PDSS2: variants seen among roughly 807,000 people sequenced by gnomAD.
PDSS2 encodes all trans-polyprenyl-diphosphate synthase PDSS2.
Under a neutral mutation model 44.5 loss-of-function variants are expected in PDSS2, and 31 were observed. The observed-to-expected ratio is 0.70, with a 90% CI of 0.52 to 0.94. The LOEUF (loss-of-function observed/expected upper bound fraction) is 0.94, where lower values mean the gene tolerates loss of function less well. PDSS2 is among the 40% of genes least tolerant of loss of function. The probability of loss-of-function intolerance (pLI) is 0.00; values close to 1 mark genes in which losing one functional copy is unlikely to be tolerated. For missense variants in PDSS2, 452 were observed against 482.2 expected (o/e 0.94, Z 0.59); for synonymous variants, 157 against 180.3 (o/e 0.87, Z 1.03).
At chr6:107,256,138 A>G (rs539212428) in intron 3 of PDSS2, among the ~76,000 whole-genome samples, 4 of 152,072 alleles carry the variant, frequency 2.6e-5, no homozygotes, top group Admixed American at 6.6e-5. Flanking sequence ...CTACAGGTGC[A>G]TGCCACCATG....
chr6:107,188,833 C>T (rs1562362338), intron 7 of PDSS2, among the ~76,000 whole-genome samples: 1 of 152,210 alleles, frequency 6.6e-6, no homozygotes, highest in Non-Finnish European at 1.5e-5. Context: ...TCACCAGAAG[C>T]CTAACCAGAA....
chr6:107,339,268 T>TACTCCAC (rs1778003997), intron 1 of PDSS2, among the ~76,000 whole-genome samples: 2 of 152,220 alleles, frequency 1.3e-5, no homozygotes, highest in South Asian at 4.1e-4. Context: ...AATTATCTAA[T>TACTCCAC]ACTCCACAAT....
chr6:107,212,166 A>T lies in PDSS2; in HGVS notation c.819T>A (p.Asp273Glu). ...CQAAMELAKH[D>E]AEVQNMAFQY... ...GAAATGCCATATTCTGAACCTCAGC[A>T]TCATGCTTTGCTAATTCCATTGCAG... The change falls in exon 5 of 8, where the codon GAT becomes GAA. Residue 273 changes from aspartate (D) to glutamate (E), a missense_variant. By Grantham distance (45) the Asp-to-Glu change is conservative. Transcript: ENST00000369037. 3 of 1,614,150 alleles carry T rather than the reference A, an allele frequency of 1.9e-6. No homozygotes were observed. The highest frequency in any genetic ancestry group is 2.5e-6 in the Non-Finnish European group (3 of 1,179,984).
At chr6:107,323,283 C>T (rs1777440689) in intron 2 of PDSS2, among the ~76,000 whole-genome samples, 1 of 152,186 alleles carries the variant, frequency 6.6e-6, no homozygotes. Flanking sequence ...CTTACCTACT[C>T]ATTTGAGGTC....
chr6:107,323,267 T>C (rs1158434501), intron 2 of PDSS2, among the ~76,000 whole-genome samples: 1 of 152,190 alleles, frequency 6.6e-6, no homozygotes, highest in African/African-American at 2.4e-5. Flanking sequence ...ATGCATACAT[T>C]GTTTCCTTAC....
At chr6:107,301,777 C>T (rs1562447226) in intron 2 of PDSS2, among the ~76,000 whole-genome samples, 1 of 151,998 alleles carries the variant, frequency 6.6e-6, no homozygotes, top group Admixed American at 6.6e-5. Flanking sequence ...GCTTGACCAA[C>T]ATGGTGAAAC....
intron 1 of PDSS2, among the ~76,000 whole-genome samples, chr6:107,395,926 T>G (rs1264794343): frequency 6.6e-6 from 1 of 152,206 alleles, no homozygotes; most frequent in Admixed American, 6.5e-5. Context: ...CTGAACCCAT[T>G]TGATCTATGT....
intron 1 of PDSS2, among the ~76,000 whole-genome samples, chr6:107,362,558 T>TCACC (rs1435424049): frequency 6.6e-6 from 1 of 152,100 alleles, no homozygotes; most frequent in African/African-American, 2.4e-5. Flanking sequence ...ACAACCAAGG[T>TCACC]CACCAACAGA....
At chr6:107,269,735 C>T (rs902340329) in intron 3 of PDSS2, among the ~76,000 whole-genome samples, 1 of 152,116 alleles carries the variant, frequency 6.6e-6, no homozygotes, top group African/African-American at 2.4e-5. Context: ...GATCTGGGCT[C>T]ACTGAACTGA....
Position 107,338,269 on chromosome 6 carries a change from C to CT in PDSS2, c.297-3938dup, listed in dbSNP as rs1777968688. ...CAGGTCATATTTCATCTGGAACACT[C>CT]TAATTTTTTCTCAGTGCTTCTCTTA... is the stretch of plus-strand genomic sequence containing the variant. On this transcript the variant is annotated intron_variant, in intron 1 of 7. Transcript: ENST00000369037. Among the ~76,000 whole-genome samples the CT allele has an allele frequency of 2.0e-5, 3 of 152,318 alleles. No individual in the cohort carries two copies. In the South Asian group the frequency reaches 6.2e-4, roughly 32 times the overall value.
intron 1 of PDSS2, among the ~76,000 whole-genome samples, chr6:107,372,987 T>C (rs2114396712): frequency 6.7e-6 from 1 of 149,272 alleles, no homozygotes; most frequent in African/African-American, 2.5e-5. Flanking sequence ...AATAATCTTT[T>C]TTTTTTTTTT....
Position 107,154,779 on chromosome 6 carries a change from T to C in PDSS2, c.1042-2A>G, listed in dbSNP as rs782755643. 5 of 1,614,058 alleles carry C rather than the reference T, an allele frequency of 3.1e-6. No homozygotes were observed. Among genetic ancestry groups the C allele is most frequent in the Non-Finnish European group, 4.2e-6 (5 of 1,179,906 alleles). On this transcript the variant is annotated splice_acceptor_variant, in intron 7 of 7. Coordinates refer to ENST00000369037, the MANE Select transcript of PDSS2 (RefSeq NM_020381.4). LOFTEE classifies it high-confidence loss of function. ...GCCAGCTTTGATTCTTTCTCGCAACTGTTAAGAAACAAATGCATGATAAAA... is the reference window on the plus strand; with the variant it reads ...GCCAGCTTTGATTCTTTCTCGCAACCGTTAAGAAACAAATGCATGATAAAA...
At chr6:107,199,665 T>C (rs1433194736) in intron 6 of PDSS2, among the ~76,000 whole-genome samples, 1 of 152,238 alleles carries the variant, frequency 6.6e-6, no homozygotes, top group Non-Finnish European at 1.5e-5. Flanking sequence ...AAGGAAATTT[T>C]CTCTTGCTCA....
rs368392158 is a variant in PDSS2, at chr6:107,420,139, A to G, written c.296+38851T>C. 4.6e-5 allele frequency among the ~76,000 whole-genome samples: 7 copies of G among 152,384 alleles called. No individual in the cohort carries two copies. In the East Asian group the frequency reaches 9.6e-4, roughly 21 times the overall value. ...GATATTATTTATACTTAAAACTGAT[A>G]GCACTAAAGGAAAATAATTTTAAAT... On this transcript the variant is annotated intron_variant, in intron 1 of 7. Coordinates refer to ENST00000369037, the MANE Select transcript of PDSS2 (RefSeq NM_020381.4).
intron 1 of PDSS2, among the ~76,000 whole-genome samples, chr6:107,402,336 T>TCAA (rs1310231019): frequency 6.7e-6 from 1 of 148,750 alleles, no homozygotes; most frequent in Non-Finnish European, 1.5e-5. Flanking sequence ...GACAAAGCCT[T>TCAA]CAACAAGTAT....
At position 107,334,397 on chromosome 6, in the gene PDSS2, A is replaced by C; in HGVS notation, c.297-65T>G. 3 of 1,447,006 alleles carry C rather than the reference A, an allele frequency of 2.1e-6. No homozygotes were observed. The South Asian group carries it at 3.4e-5, about 17-fold the overall frequency. 89.6% of individuals were successfully genotyped at this position (1,447,006 alleles called of 1,614,324 possible). On this transcript the variant is annotated intron_variant, in intron 1 of 7. Coordinates refer to ENST00000369037, the MANE Select transcript of PDSS2 (RefSeq NM_020381.4). The stretch of plus-strand genomic sequence containing the variant: ...CACGAGATCATCAGATAACTTAGAA[A>C]ACTGCTACAAAGATGCCCACACTTC...
chr6:107,210,461 A>G lies in PDSS2; in HGVS notation c.986T>C (p.Leu329Ser). The change falls in exon 6 of 8, where the codon TTG becomes TCG. Residue 329 changes from leucine (L) to serine (S), a missense_variant. Physicochemically the swap from Leu to Ser is moderately radical, Grantham distance 145. Coordinates refer to ENST00000369037, the MANE Select transcript of PDSS2 (RefSeq NM_020381.4). ...VLHQEFLGRD[L>S]WIKQIGEAQE... The stretch of plus-strand genomic sequence containing the variant: ...TACCTCTCCGATCTGTTTAATCCAC[A>G]AATCTCTTCCAAGAAATTCCTGATG... 6.2e-7 allele frequency: 1 copy of G among 1,610,406 alleles called. No homozygotes were observed.
At chr6:107,287,027 A>G (rs1409373182) in intron 2 of PDSS2, among the ~76,000 whole-genome samples, 1 of 149,140 alleles carries the variant, frequency 6.7e-6, no homozygotes, top group Non-Finnish European at 1.5e-5. Flanking sequence ...TGACAGAGCA[A>G]GACTCCGTCT....
chr6:107,157,427 C>T (rs1482772964), intron 7 of PDSS2, among the ~76,000 whole-genome samples: 1 of 152,072 alleles, frequency 6.6e-6, no homozygotes, highest in Admixed American at 6.6e-5. Context: ...CTCAAGAGAT[C>T]CTCCTGCCTC....
Sources: allele counts gnomAD v4.1 joint callset (sites outside exome capture counted in the v4.1 genomes callset), GRCh38; gene constraint gnomAD v4.1.1; transcripts MANE v1.5; gene names NCBI Gene and HGNC (gene_info 2026-07-23, HGNC 2026-07-21).